Variants in ALLC observed in about 807,000 individuals in gnomAD.
ALLC encodes allantoicase.
ALLC carries 40 observed loss-of-function variants against 45.0 expected under a neutral mutation model. The observed-to-expected ratio is 0.89, with a 90% CI of 0.69 to 1.16. ALLC has a LOEUF of 1.16. ALLC is among the 50% of genes most tolerant of loss of function. ALLC has a pLI of 0.00. For missense variants in ALLC, 488 were observed against 493.1 expected (o/e 0.99, Z 0.10); for synonymous variants, 176 against 178.1 (o/e 0.99, Z 0.09).
chr2:3,671,336 C>A, intron 2 of ALLC, 146 bp downstream of exon 2: 1 of 885,298 alleles, frequency 1.1e-6, no homozygotes, highest in East Asian at 2.7e-5. Flanking sequence ...GCGAGAAAGA[C>A]TTCCAAAGAA....
intron 10 of ALLC, among the ~76,000 whole-genome samples, chr2:3,701,261 G>A (rs1572537253): frequency 1.3e-5 from 2 of 152,224 alleles, no homozygotes; most frequent in East Asian, 3.9e-4. Context: ...ATTGAAATGC[G>A]CCAGCCCCTT....
chr2:3,686,708 T>C (rs1457436503), intron 7 of ALLC, among the ~76,000 whole-genome samples: 2 of 151,076 alleles, frequency 1.3e-5, no homozygotes, highest in African/African-American at 4.8e-5. Context: ...AGCTATTGTA[T>C]ATGCGATTGC....
At chr2:3,683,130 A>T in intron 7 of ALLC, 56 bp downstream of exon 7, 1 of 1,528,408 alleles carries the variant, frequency 6.5e-7, no homozygotes, top group Non-Finnish European at 8.9e-7. Flanking sequence ...TTATGTTGAC[A>T]TGTTTATAAA....
the ALLC span, among the ~76,000 whole-genome samples, chr2:3,651,819 T>G: frequency 6.6e-6 from 1 of 152,048 alleles, no homozygotes; most frequent in Admixed American, 6.5e-5. Context: ...CGGGCAGCTA[T>G]TCATCCGGAT....
At chr2:3,665,731 G>A (rs1283394808) in intron 1 of ALLC, among the ~76,000 whole-genome samples, 1 of 152,204 alleles carries the variant, frequency 6.6e-6, no homozygotes, top group South Asian at 2.1e-4. Flanking sequence ...CATTTGGGTT[G>A]ATTCCGTGTC....
At chr2:3,656,476 C>G (rs1465715904), upstream of ALLC, among the ~76,000 whole-genome samples, 1 of 152,222 alleles carries the variant, frequency 6.6e-6, no homozygotes, top group Non-Finnish European at 1.5e-5. Flanking sequence ...CTGTTGGGCA[C>G]TAGAAACTTA....
chr2:3,669,402 AGGC>A (rs1666806009), intron 1 of ALLC, among the ~76,000 whole-genome samples: 2 of 152,146 alleles, frequency 1.3e-5, no homozygotes, highest in African/African-American at 4.8e-5. Context: ...TGAACCCAGG[AGGC>A]GGCGGTTGCA....
chr2:3,682,862 T>G, intron 6 of ALLC, 80 bp from the exon 7 acceptor site: 1 of 1,459,588 alleles, frequency 6.9e-7, no homozygotes, highest in Non-Finnish European at 9.4e-7. Flanking sequence ...TCTCCACACC[T>G]TAAGTGCCAC....
At chr2:3,692,911 C>T (rs1161419735) in intron 7 of ALLC, among the ~76,000 whole-genome samples, 2 of 152,260 alleles carry the variant, frequency 1.3e-5, no homozygotes, top group South Asian at 4.1e-4. Flanking sequence ...GAGCCCCCGC[C>T]TCTCAACCAC....
At chr2:3,689,101 T>C (rs2148013717) in intron 7 of ALLC, 1 of 151,090 alleles carries the variant, frequency 6.6e-6, no homozygotes, top group East Asian at 2.0e-4. Context: ...TCTGATTTTT[T>C]GGGGTCTTTT....
chr2:3,671,547 AGATAGGAGGTCCTCTGGCTCTG>A (rs1318314775), intron 2 of ALLC, among the ~76,000 whole-genome samples: 7 of 150,564 alleles, frequency 4.6e-5, no homozygotes, highest in African/African-American at 9.8e-5. Flanking sequence ...GGCTCTGGTT[AGATAGGAGGTCCTCTGGCTCTG>A]GTTAGATGGG....
intron 9 of ALLC, 106 bp downstream of exon 9, chr2:3,696,454 T>TTAGAACAATGCATATGA: frequency 2.5e-6 from 2 of 805,998 alleles, no homozygotes; most frequent in Non-Finnish European, 3.8e-6. Flanking sequence ...TCATATGCAT[T>TTAGAACAATGCATATGA]GTTCTAAATG....
At chr2:3,653,460 T>TGG (rs1248575415), upstream of ALLC, among the ~76,000 whole-genome samples, 1 of 152,226 alleles carries the variant, frequency 6.6e-6, no homozygotes, top group Non-Finnish European at 1.5e-5. This position sits in a 1 kb window ranked among gnomAD's most constrained non-coding sequence, Gnocchi z 4.1. Context: ...ACTGAAGGCC[T>TGG]GGTGGCCCAA....
intron 7 of ALLC, among the ~76,000 whole-genome samples, chr2:3,692,909 G>A (rs781614853): frequency 7.9e-5 from 12 of 152,188 alleles, no homozygotes; most frequent in African/African-American, 2.7e-4. Context: ...AGGAGCCCCC[G>A]CCTCTCAACC....
chr2:3,697,609 C>CTCTG (rs757923260), intron 10 of ALLC, among the ~76,000 whole-genome samples, 153 bp downstream of exon 10: 7,007 of 146,832 alleles, frequency 0.048, 443 homozygotes, highest in African/African-American at 0.14. Context: ...ACCCTTAGAA[C>CTCTG]TCTGTCTGTC....
intron 7 of ALLC, among the ~76,000 whole-genome samples, chr2:3,690,260 T>C (rs868130220): frequency 0.022 from 173 of 7,880 alleles, 7 homozygotes; most frequent in African/African-American, 0.1. Context: ...TTCCCTTCCC[T>C]TCCCTCCCCC....
At chr2:3,654,370 C>G (rs908186659), upstream of ALLC, among the ~76,000 whole-genome samples, 1 of 152,236 alleles carries the variant, frequency 6.6e-6, no homozygotes. Context: ...GATGGCGCAG[C>G]CTCGGAACCA....
At position 3,678,392 on chromosome 2, in the gene ALLC, G is replaced by A. The variant is rs575920105; in HGVS notation, c.85-76G>A. 113 of 1,279,186 alleles carry A rather than the reference G, an allele frequency of 8.8e-5. No individual in the cohort carries two copies. In the African/African-American group the frequency reaches 1.3e-3, roughly 15 times the overall value. 79.2% of individuals were successfully genotyped at this position (1,279,186 alleles called of 1,614,324 possible). A position where few individuals can be genotyped will look rare whatever the true frequency, so the allele number is the denominator to read the frequency against. On this transcript the variant is annotated intron_variant, in intron 3 of 11. Coordinates refer to ENST00000252505, the MANE Select transcript of ALLC (RefSeq NM_018436.4). ...TTTGCACCGTTCCTCTGGCACTGTG[G>A]GACAGAAGTGGACTTGCTGGAAGCC...
At chr2:3,652,580 ATTTT>A in the ALLC span, among the ~76,000 whole-genome samples, 13 of 93,352 alleles carry the variant, frequency 1.4e-4, no homozygotes, top group Non-Finnish European at 1.1e-4. Context: ...AAACTTTGTG[ATTTT>A]TTTTTTTTTT....
Sources: gnomAD v4.1 joint callset for allele counts (sites outside exome capture counted in the v4.1 genomes callset) on GRCh38, gnomAD v4.1.1 for gene constraint, Gnocchi (gnomAD v3.1) non-coding constraint, MANE v1.5 for transcripts, NCBI Gene and HGNC (gene_info 2026-07-23, HGNC 2026-07-21) for gene names.